Variants in THSD7B observed in about 807,000 individuals in gnomAD.
THSD7B encodes the protein thrombospondin type 1 domain containing 7B, also known as thrombospondin type-1 domain-containing protein 7B.
Under a neutral mutation model 213.6 loss-of-function variants are expected in THSD7B, and 138 were observed. That is an observed-to-expected ratio of 0.65 (90% confidence interval 0.56 to 0.74). The LOEUF (loss-of-function observed/expected upper bound fraction) is 0.74, where lower values mean the gene tolerates loss of function less well. THSD7B is among the 30% of genes least tolerant of loss of function. THSD7B has a pLI of 0.00. For missense variants in THSD7B, 1,931 were observed against 1,991.5 expected (o/e 0.97, Z 0.58); for synonymous variants, 742 against 687.0 (o/e 1.08, Z -1.25).
intron 2 of THSD7B, among the ~76,000 whole-genome samples, chr2:136,893,549 A>G (rs2105004198): frequency 6.6e-6 from 1 of 152,306 alleles, no homozygotes; most frequent in African/African-American, 2.4e-5. Flanking sequence ...TGAATCATAA[A>G]CTAAAGACTG....
At chr2:136,843,754 T>C (rs1012593784) in intron 1 of THSD7B, among the ~76,000 whole-genome samples, 7 of 152,178 alleles carry the variant, frequency 4.6e-5, no homozygotes, top group Non-Finnish European at 1.0e-4. Flanking sequence ...TTCTCTGTAC[T>C]GAGTAGGCAA....
chr2:137,509,928 G>C (rs1227956733), intron 15 of THSD7B, among the ~76,000 whole-genome samples: 1 of 152,040 alleles, frequency 6.6e-6, no homozygotes, highest in Non-Finnish European at 1.5e-5. Flanking sequence ...TCTGGAATTG[G>C]TGTAGTCATT....
chr2:137,605,813 C>A (rs561034740), intron 17 of THSD7B, among the ~76,000 whole-genome samples: 1 of 151,788 alleles, frequency 6.6e-6, no homozygotes, highest in Admixed American at 6.6e-5. Context: ...GGGTTACAGG[C>A]GCTTGCCACC....
intron 10 of THSD7B, among the ~76,000 whole-genome samples, chr2:137,243,028 T>A (rs752782113): frequency 1.3e-5 from 2 of 152,212 alleles, no homozygotes; most frequent in Non-Finnish European, 2.9e-5. Context: ...TTACAAAGTG[T>A]TGAACAAGTA....
intron 2 of THSD7B, among the ~76,000 whole-genome samples, chr2:136,946,713 G>T (rs1684945372): frequency 6.6e-6 from 1 of 152,226 alleles, no homozygotes; most frequent in Non-Finnish European, 1.5e-5. Flanking sequence ...CGCCTGCTGG[G>T]CTGCTGCCTC....
chr2:137,402,624 C>T (rs1473246170), intron 12 of THSD7B, among the ~76,000 whole-genome samples: 2 of 151,820 alleles, frequency 1.3e-5, no homozygotes, highest in African/African-American at 2.4e-5. Context: ...TGAGACCAGC[C>T]TGGCCAACAT....
intron 2 of THSD7B, among the ~76,000 whole-genome samples, chr2:136,957,827 T>C (rs944848128): frequency 6.6e-6 from 1 of 152,232 alleles, no homozygotes; most frequent in East Asian, 1.9e-4. Flanking sequence ...AACAGTGTTT[T>C]AGCCTAAATA....
intron 1 of THSD7B, among the ~76,000 whole-genome samples, chr2:136,855,126 C>T (rs972954350): frequency 6.6e-6 from 1 of 152,056 alleles, no homozygotes; most frequent in African/African-American, 2.4e-5. Flanking sequence ...TTACTCGCGT[C>T]TCCTTTATAG....
chr2:137,369,361 G>A (rs1249548006), intron 12 of THSD7B, among the ~76,000 whole-genome samples: 4 of 152,080 alleles, frequency 2.6e-5, no homozygotes, highest in Non-Finnish European at 4.4e-5. Flanking sequence ...ATTTGCTTTA[G>A]CAGGCAGCAG....
intron 2 of THSD7B, among the ~76,000 whole-genome samples, chr2:136,896,493 G>A (rs922699476): frequency 2.6e-5 from 4 of 152,094 alleles, no homozygotes; most frequent in African/African-American, 9.7e-5. Flanking sequence ...CCCAGCTTGT[G>A]GCTTTTCTTT....
At chr2:137,528,834 C>T (rs1030729685) in intron 15 of THSD7B, among the ~76,000 whole-genome samples, 9 of 152,038 alleles carry the variant, frequency 5.9e-5, no homozygotes, top group South Asian at 2.1e-4. Flanking sequence ...GAGTCCTTGA[C>T]CTGCTTGTAC....
intron 10 of THSD7B, among the ~76,000 whole-genome samples, chr2:137,248,379 A>G (rs1682090458): frequency 6.6e-6 from 1 of 152,160 alleles, no homozygotes; most frequent in Middle Eastern, 3.2e-3. Flanking sequence ...TGCTTAGTAC[A>G]GTGTCTGGCA....
intron 3 of THSD7B, among the ~76,000 whole-genome samples, chr2:137,089,028 A>G (rs1428545170): frequency 6.6e-6 from 1 of 152,190 alleles, no homozygotes; most frequent in South Asian, 2.1e-4. Flanking sequence ...GGTGGAAAAT[A>G]TAAACTAGTG....
At chr2:137,469,958 A>G (rs1558806989) in intron 15 of THSD7B, among the ~76,000 whole-genome samples, 1 of 152,214 alleles carries the variant, frequency 6.6e-6, no homozygotes, top group Non-Finnish European at 1.5e-5. Flanking sequence ...GATGTTTCAA[A>G]TGGTTAGATT....
At chr2:137,324,876 C>T (rs958438919) in intron 12 of THSD7B, among the ~76,000 whole-genome samples, 2 of 152,168 alleles carry the variant, frequency 1.3e-5, no homozygotes, top group Non-Finnish European at 2.9e-5. Context: ...ACCTTTCTCC[C>T]AGGAGGAAGA....
At chr2:137,138,856 TAC>T (rs780322197) in intron 5 of THSD7B, among the ~76,000 whole-genome samples, 23,651 of 152,166 alleles carry the variant, frequency 0.16, 2,011 homozygotes, top group Non-Finnish European at 0.19. Context: ...TAATTGTATG[TAC>T]GTTCTTCTTG....
At chr2:137,640,547 C>T (rs1009473309) in intron 20 of THSD7B, among the ~76,000 whole-genome samples, 26 of 152,202 alleles carry the variant, frequency 1.7e-4, no homozygotes, top group African/African-American at 6.3e-4. Context: ...AGTAAAACTG[C>T]TTTGAATCCT....
intron 2 of THSD7B, among the ~76,000 whole-genome samples, chr2:136,898,890 C>G (rs1340427637): frequency 1.3e-5 from 2 of 151,968 alleles, no homozygotes; most frequent in East Asian, 1.9e-4. Flanking sequence ...ATCTGCCCAC[C>G]TCGGCCTCCC....
At chr2:136,815,264 T>C (rs920265419) in intron 1 of THSD7B, among the ~76,000 whole-genome samples, 2 of 152,232 alleles carry the variant, frequency 1.3e-5, no homozygotes, top group Non-Finnish European at 2.9e-5. Context: ...CAGGAGTCCC[T>C]GATCTAGAAA....
Sources: gnomAD v4.1 joint callset for allele counts (sites outside exome capture counted in the v4.1 genomes callset) on GRCh38, gnomAD v4.1.1 for gene constraint, MANE v1.5 for transcripts, NCBI Gene and HGNC (gene_info 2026-07-23, HGNC 2026-07-21) for gene names.